Variants in MPRIP observed in about 807,000 individuals in gnomAD.
MPRIP encodes the protein myosin phosphatase Rho interacting protein, also known as myosin phosphatase Rho-interacting protein.
Under a neutral mutation model 234.9 loss-of-function variants are expected in MPRIP, and 59 were observed. The observed-to-expected ratio is 0.25, with a 90% CI of 0.20 to 0.31. MPRIP has a LOEUF of 0.31. Ranked by LOEUF, MPRIP falls within the 10% of genes least tolerant of loss-of-function variation. The pLI is 1.00. For synonymous variants in MPRIP, 1,144 were observed against 1,263.9 expected, an observed-to-expected ratio of 0.91 and a Z score of 2.01; for missense variants, 2,436 against 3,071.0, an observed-to-expected ratio of 0.79 and a Z score of 4.89.
intron 13 of MPRIP, among the ~76,000 whole-genome samples, chr17:17,154,667 C>T (rs1170444648): frequency 1.3e-5 from 2 of 152,238 alleles, no homozygotes; most frequent in Non-Finnish European, 2.9e-5. Flanking sequence ...GTCATTAGAA[C>T]TGGGCTTTGG....
chr17:17,083,272 A>C (rs1019973059), intron 3 of MPRIP, among the ~76,000 whole-genome samples: 4 of 152,228 alleles, frequency 2.6e-5, no homozygotes, highest in African/African-American at 9.6e-5. Flanking sequence ...TAAGATGTGA[A>C]GTTCCAGCCT....
chr17:17,077,917 AGATATG>A (rs1162537400), intron 2 of MPRIP, 88 bp from the exon 3 acceptor site: 6 of 1,209,102 alleles, frequency 5.0e-6, no homozygotes, highest in Non-Finnish European at 7.4e-6. Context: ...GACCTTCCTT[AGATATG>A]GACTTGTCAG....
At chr17:17,080,086 C>T (rs2089428153) in intron 3 of MPRIP, among the ~76,000 whole-genome samples, 2 of 152,328 alleles carry the variant, frequency 1.3e-5, no homozygotes, top group African/African-American at 2.4e-5. Context: ...TTTTGGGCCA[C>T]GGGCTGCTTT....
chr17:17,108,938 C>T (rs1366760886), intron 3 of MPRIP, among the ~76,000 whole-genome samples: 3 of 152,220 alleles, frequency 2.0e-5, no homozygotes, highest in Non-Finnish European at 4.4e-5. Context: ...TGGCAGCACT[C>T]CGCCCACCTG....
intron 16 of MPRIP, chr17:17,170,219 G>T (rs1247421781): frequency 6.8e-6 from 1 of 147,372 alleles, no homozygotes; most frequent in Non-Finnish European, 1.5e-5. Context: ...AATTAAAAAA[G>T]ACCTATTAGT....
chr17:17,147,274 T>G, intron 10 of MPRIP, 45 bp from the exon 11 acceptor site: 1 of 1,578,248 alleles, frequency 6.3e-7, no homozygotes, highest in Non-Finnish European at 8.7e-7. Flanking sequence ...AGGCATGCTG[T>G]ATAGGAGTTG....
intron 1 of MPRIP, among the ~76,000 whole-genome samples, chr17:17,043,413 G>A (rs1378126481): frequency 1.3e-5 from 2 of 152,094 alleles, no homozygotes; most frequent in Non-Finnish European, 2.9e-5. Flanking sequence ...CTGAATCATC[G>A]TCACTGTCAA....
chr17:17,109,152 G>A (rs1395085473), intron 3 of MPRIP, among the ~76,000 whole-genome samples: 1 of 152,190 alleles, frequency 6.6e-6, no homozygotes, highest in Admixed American at 6.5e-5. Flanking sequence ...CATGCTGAAG[G>A]TATAAAATAT....
chr17:17,174,733 G>T (rs1009237191), intron 19 of MPRIP, among the ~76,000 whole-genome samples: 10 of 151,960 alleles, frequency 6.6e-5, no homozygotes, highest in African/African-American at 2.4e-4. Context: ...TACTGGGAAG[G>T]CTGAGGCAGG....
At chr17:17,148,306 C>A (rs1486113381) in intron 11 of MPRIP, among the ~76,000 whole-genome samples, 1 of 152,142 alleles carries the variant, frequency 6.6e-6, no homozygotes, top group East Asian at 1.9e-4. Context: ...CTGGGGGTCC[C>A]TGAGGCCCTT....
chr17:17,137,282 G>A (rs1385370584), intron 6 of MPRIP, among the ~76,000 whole-genome samples: 2 of 152,312 alleles, frequency 1.3e-5, no homozygotes, highest in South Asian at 2.1e-4. Context: ...GGGAGGCTGA[G>A]GCAGGTGGAA....
chr17:17,133,560 T>G (rs1467666522), intron 5 of MPRIP, among the ~76,000 whole-genome samples: 1 of 152,186 alleles, frequency 6.6e-6, no homozygotes, highest in Non-Finnish European at 1.5e-5. Context: ...TCTTTCTCCA[T>G]GGCCCAGTGT....
intron 1 of MPRIP, among the ~76,000 whole-genome samples, chr17:17,071,639 C>G (rs560000730): frequency 6.6e-6 from 1 of 152,332 alleles, no homozygotes; most frequent in East Asian, 1.9e-4. Context: ...CACCAGCAGC[C>G]TCTTCCTAGA....
intron 3 of MPRIP, among the ~76,000 whole-genome samples, chr17:17,112,200 A>G (rs914897323): frequency 1.3e-5 from 2 of 151,974 alleles, no homozygotes; most frequent in African/African-American, 2.4e-5. Flanking sequence ...GCGCTTTCTT[A>G]TCTCCAGCTG....
chr17:17,046,029 TCTC>T (rs1194081106), intron 1 of MPRIP, among the ~76,000 whole-genome samples: 53 of 152,302 alleles, frequency 3.5e-4, no homozygotes, highest in African/African-American at 1.3e-3. Context: ...ATGGTCTTGA[TCTC>T]CTGACCTCGT....
chr17:17,175,385 A>G lies in MPRIP; in HGVS notation c.6843A>G (p.Ala2281=), dbSNP rs1201277618. 1.2e-6 allele frequency: 2 copies of G among 1,612,736 alleles called. No individual in the cohort carries two copies. Among genetic ancestry groups the G allele is most frequent in the Non-Finnish European group, 1.7e-6 (2 of 1,179,674 alleles). Residue 2281 remains alanine, a synonymous_variant, in exon 20 of 24, where the codon GCA becomes GCG. Transcript: ENST00000651222. ...GGGEATGSPL[A]QGKDAYELEV... The stretch of plus-strand genomic sequence containing the variant: ...GGGAGGCCACTGGGTCACCCCTTGC[A>G]CAGGGCAAGGATGCCTATGAACTAG...
intron 1 of MPRIP, among the ~76,000 whole-genome samples, chr17:17,061,279 A>T (rs1273641195): frequency 1.3e-5 from 2 of 152,204 alleles, no homozygotes; most frequent in African/African-American, 4.8e-5. Context: ...AAAGACGGAC[A>T]ACCTTGAAGT....
intron 1 of MPRIP, among the ~76,000 whole-genome samples, chr17:17,068,145 T>C (rs977865824): frequency 1.2e-4 from 18 of 152,042 alleles, no homozygotes; most frequent in Non-Finnish European, 1.8e-4. Flanking sequence ...AGCAGTGTTT[T>C]TTTGTTTTGT....
Position 17,166,769 on chromosome 17 carries a change from G to A in MPRIP, c.5178G>A (p.Gln1726=), listed in dbSNP as rs748342204. The part of the protein sequence containing the change: ...QTPDFERVMQ[Q]VLEALRLPAG... ...CAGACTTTGAAAGAGTGATGCAGCA[G>A]GTCTTGGAAGCCCTCAGGCTTCCAG... Residue 1726 remains glutamine, a synonymous_variant, in exon 16 of 24, where the codon CAG becomes CAA. Transcript: ENST00000651222. This position sits in a 1 kb window ranked among gnomAD's most constrained non-coding sequence, Gnocchi z 4.4. 2.3e-6 allele frequency: 3 copies of A among 1,304,252 alleles called. No individual in the cohort carries two copies. The highest frequency in any genetic ancestry group is 1.1e-4 in the East Asian group (2 of 18,016). 80.8% of individuals were successfully genotyped at this position (1,304,252 alleles called of 1,614,324 possible). A position where few individuals can be genotyped will look rare whatever the true frequency, so the allele number is the denominator to read the frequency against.
Sources: allele counts gnomAD v4.1 joint callset (sites outside exome capture counted in the v4.1 genomes callset), GRCh38; gene constraint gnomAD v4.1.1; non-coding constraint Gnocchi (gnomAD v3.1); transcripts MANE v1.5; gene names NCBI Gene and HGNC (gene_info 2026-07-23, HGNC 2026-07-21).